Variants in CACNB2 observed in about 807,000 individuals in gnomAD.
CACNB2 encodes voltage-dependent L-type calcium channel subunit beta-2.
Under a neutral mutation model 73.3 loss-of-function variants are expected in CACNB2, and 42 were observed. The observed-to-expected ratio is 0.57, with a 90% CI of 0.45 to 0.74. The LOEUF is 0.74. Among genes scored for constraint, CACNB2 ranks in the 30% least tolerant of loss-of-function variants. The pLI is 0.00. For missense variants in CACNB2, 940 were observed against 853.0 expected (o/e 1.10, Z -1.27); for synonymous variants, 348 against 310.3 (o/e 1.12, Z -1.28).
At chr10:18,281,060 C>T (rs561675873) in intron 2 of CACNB2, among the ~76,000 whole-genome samples, 1 of 152,298 alleles carries the variant, frequency 6.6e-6, no homozygotes, top group East Asian at 1.9e-4. Context: ...TGAATTCAAC[C>T]CTGGGCTATC....
At chr10:18,215,136 A>G (rs1169662597) in intron 2 of CACNB2, among the ~76,000 whole-genome samples, 1 of 152,132 alleles carries the variant, frequency 6.6e-6, no homozygotes, top group African/African-American at 2.4e-5. Context: ...CCAGTATGGT[A>G]TTCATGGGGG....
chr10:18,351,620 C>T (rs761384598), intron 2 of CACNB2, among the ~76,000 whole-genome samples: 6 of 152,228 alleles, frequency 3.9e-5, no homozygotes, highest in Middle Eastern at 3.4e-3. Context: ...CTGTACAAGC[C>T]GAGAGAAATA....
At chr10:18,521,775 TG>T (rs2051910210) in intron 9 of CACNB2, among the ~76,000 whole-genome samples, 1 of 152,220 alleles carries the variant, frequency 6.6e-6, no homozygotes, top group South Asian at 2.1e-4. Context: ...ACAGGGGACC[TG>T]GAAGATACAG....
At chr10:18,381,786 G>A (rs973175345) in intron 2 of CACNB2, among the ~76,000 whole-genome samples, 14 of 151,840 alleles carry the variant, frequency 9.2e-5, no homozygotes, top group Admixed American at 2.0e-4. Context: ...TGTTGTGTTC[G>A]TATATTACAT....
chr10:18,260,522 C>G (rs1218144109), intron 2 of CACNB2: 1 of 985,434 alleles, frequency 1.0e-6, no homozygotes, highest in Non-Finnish European at 1.2e-6. Flanking sequence ...ATCCTCCTTA[C>G]AATTCATGTG....
At position 18,358,497 on chromosome 10, in the gene CACNB2, GCTCTCTCTCTCTCTCT is replaced by G. The variant is rs59205683; in HGVS notation, c.214-43387_214-43372del. Among the ~76,000 whole-genome samples the G allele has an allele frequency of 1.4e-3, 142 of 104,330 alleles. 1 individual carries two copies. Among genetic ancestry groups the G allele is most frequent in the African/African-American group, 4.2e-3 (112 of 26,432 alleles). 68.4% of individuals were successfully genotyped at this position (104,330 alleles called of 152,430 possible). Reference sequence around the variant, plus strand: ...GGGAAATTCCTTTTCTAATGAGCACGCTCTCTCTCTCTCTCTCTCTCTCTCTCTCTCTCTCTCTCTC... The same window carrying G: ...GGGAAATTCCTTTTCTAATGAGCACGCTCTCTCTCTCTCTCTCTCTCTCTC... On this transcript the variant is annotated intron_variant, in intron 2 of 13. Coordinates refer to ENST00000324631, the MANE Select transcript of CACNB2 (RefSeq NM_201596.3).
chr10:18,476,349 A>C (rs964712368), intron 3 of CACNB2, among the ~76,000 whole-genome samples: 2 of 152,240 alleles, frequency 1.3e-5, no homozygotes, highest in African/African-American at 4.8e-5. Context: ...ATGAAGCAAC[A>C]AAAGCAGAGA....
At chr10:18,400,839 G>A in intron 2 of CACNB2, 2 of 1,463,220 alleles carry the variant, frequency 1.4e-6, no homozygotes, top group South Asian at 2.8e-5. Flanking sequence ...TCCTGGAATG[G>A]GAAAATAAGA....
rs1041183231 is a variant in CACNB2 at position 18,295,854 on chromosome 10, C to T, written c.214-106070C>T. On this transcript the variant is annotated intron_variant, in intron 2 of 13. Coordinates refer to ENST00000324631, the MANE Select transcript of CACNB2 (RefSeq NM_201596.3). Reference sequence around the variant, plus strand: ...ATGACAATTAAACATACTGCATAGACGATGAGACATTGACTCATTTTTGAA... The same window carrying T: ...ATGACAATTAAACATACTGCATAGATGATGAGACATTGACTCATTTTTGAA... Among the ~76,000 whole-genome samples, 9 of 152,074 alleles carry T rather than the reference C, an allele frequency of 5.9e-5. No homozygotes were observed. In the South Asian group the frequency reaches 6.2e-4, roughly 11 times the overall value.
intron 2 of CACNB2, among the ~76,000 whole-genome samples, chr10:18,272,797 A>C (rs1270528867): frequency 6.6e-6 from 1 of 152,228 alleles, no homozygotes; most frequent in Non-Finnish European, 1.5e-5. Context: ...TAAGTCCATT[A>C]AACCTCTTTC....
At chr10:18,487,036 T>C (rs2049099216) in intron 3 of CACNB2, among the ~76,000 whole-genome samples, 1 of 152,152 alleles carries the variant, frequency 6.6e-6, no homozygotes, top group African/African-American at 2.4e-5. Context: ...GTTTCATAGT[T>C]GAGCTTGAGA....
chr10:18,321,280 A>G (rs1019451826), intron 2 of CACNB2, among the ~76,000 whole-genome samples: 6 of 152,228 alleles, frequency 3.9e-5, no homozygotes, highest in Non-Finnish European at 8.8e-5. Context: ...AACTTGGGGT[A>G]TAAGTGCAGT....
chr10:18,425,933 C>T (rs2045576089), intron 3 of CACNB2, among the ~76,000 whole-genome samples: 1 of 152,130 alleles, frequency 6.6e-6, no homozygotes, highest in African/African-American at 2.4e-5. Context: ...CAATTTTCCA[C>T]ATATGAGTAG....
chr10:18,455,117 A>G (rs1269525248), intron 3 of CACNB2, among the ~76,000 whole-genome samples: 1 of 152,184 alleles, frequency 6.6e-6, no homozygotes, highest in African/African-American at 2.4e-5. Flanking sequence ...AGTTCACATA[A>G]TAATATCCAC....
At chr10:18,460,018 C>T (rs983554144) in intron 3 of CACNB2, among the ~76,000 whole-genome samples, 13 of 151,986 alleles carry the variant, frequency 8.6e-5, no homozygotes, top group Non-Finnish European at 1.2e-4. Context: ...GAAAAAAAGT[C>T]GAATACTAAC....
intron 2 of CACNB2, among the ~76,000 whole-genome samples, chr10:18,153,670 C>T (rs2031793189): frequency 6.7e-6 from 1 of 150,370 alleles, no homozygotes; most frequent in Admixed American, 6.7e-5. Flanking sequence ...CAACCTCTGC[C>T]TCCTGGGTTC....
chr10:18,158,692 AT>A (rs748554242), intron 2 of CACNB2, among the ~76,000 whole-genome samples: 1 of 152,190 alleles, frequency 6.6e-6, no homozygotes, highest in Non-Finnish European at 1.5e-5. Context: ...GGAAAAAAAA[AT>A]CTCTAAGTTT....
intron 2 of CACNB2, among the ~76,000 whole-genome samples, chr10:18,223,991 ATT>A (rs11310932): frequency 4.0e-3 from 591 of 146,800 alleles, no homozygotes; most frequent in African/African-American, 0.011. Flanking sequence ...TAAGGGGTCT[ATT>A]TTTTTTTTTT....
chr10:18,410,501 G>GTAT (rs1554812910), intron 3 of CACNB2, among the ~76,000 whole-genome samples: 2 of 152,096 alleles, frequency 1.3e-5, no homozygotes, highest in African/African-American at 4.8e-5. Flanking sequence ...CCTGAAGATA[G>GTAT]TTTATTTCAA....
Sources: gnomAD v4.1 joint callset for allele counts (sites outside exome capture counted in the v4.1 genomes callset) on GRCh38, gnomAD v4.1.1 for gene constraint, MANE v1.5 for transcripts, NCBI Gene and HGNC (gene_info 2026-07-23, HGNC 2026-07-21) for gene names.